The following CMPK2 variants were observed in gnomAD, a reference collection of about 807,000 sequenced individuals.
CMPK2 encodes the protein UMP-CMP kinase 2, mitochondrial.
In CMPK2, 32 loss-of-function variants were observed where a neutral mutation model predicts 33.4. The ratio of observed to expected loss-of-function variants is 0.96; its 90% CI spans 0.72 to 1.29. The LOEUF is 1.29. Among genes scored for constraint, CMPK2 ranks in the 50% most tolerant of loss-of-function variants. The pLI, the probability that CMPK2 is intolerant of heterozygous loss-of-function variation, is 0.00. For synonymous variants in CMPK2, 299 were observed against 275.3 expected (o/e 1.09, Z -0.85); for missense variants, 672 against 616.0 (o/e 1.09, Z -0.96).
chr2:6,865,868 TG>T lies in CMPK2; in HGVS notation c.-173del. On this transcript the variant is annotated 5_prime_UTR_variant, in exon 1 of 5. Transcript: ENST00000256722. ...CCAGGCGGGGCAGGAGCCCTGGGGC[TG>T]GGGCGCCCTTCCGGCCTCTCCTCCT... The T allele has an allele frequency of 1.5e-6, 2 of 1,362,762 alleles. No homozygotes were observed. Among genetic ancestry groups the T allele is most frequent in the Admixed American group, 7.0e-5 (2 of 28,518 alleles). 84.4% of individuals were successfully genotyped at this position (1,362,762 alleles called of 1,614,324 possible). A position where few individuals can be genotyped will look rare whatever the true frequency, so the allele number is the denominator to read the frequency against.
rs1401947028 is a variant in CMPK2, at chr2:6,861,309, G to A, written c.867C>T (p.Gly289=). ...VLLKSPPSCI[G]QWRKIFDDEP... is the part of the protein sequence containing the mutation. Reference sequence around the variant, plus strand: ...CATCATCAAAGATCTTCCTCCACTGGCCAATGCAAGAGGGTGGTGACTTTA... The same window carrying A: ...CATCATCAAAGATCTTCCTCCACTGACCAATGCAAGAGGGTGGTGACTTTA... The change falls in exon 3 of 5, where the codon GGC becomes GGT. Residue 289 remains glycine (G), a synonymous_variant. Coordinates refer to ENST00000256722, the MANE Select transcript of CMPK2 (RefSeq NM_207315.4). 8 of 1,613,834 alleles carry A rather than the reference G, an allele frequency of 5.0e-6. No homozygotes were observed. Among genetic ancestry groups the A allele is most frequent in the Non-Finnish European group, 5.9e-6 (7 of 1,179,926 alleles).
At position 6,865,366 on chromosome 2, in the gene CMPK2, G is replaced by A. The variant is rs1382564317; in HGVS notation, c.331C>T (p.Gln111Ter). The A allele has an allele frequency of 2.1e-6, 3 of 1,417,016 alleles. No homozygotes were observed. The South Asian group carries it at 4.5e-5, about 21-fold the overall frequency. 87.8% of individuals were successfully genotyped at this position (1,417,016 alleles called of 1,614,324 possible). A position where few individuals can be genotyped will look rare whatever the true frequency, so the allele number is the denominator to read the frequency against. ...QLRRGPFQRC[Q>*]LLRLLCYCPG... ...CAGTAGCAGAGCAGCCTGAGCAGCT[G>A]GCACCGCTGGAAGGGGCCGCGGCGC... The change falls in exon 1 of 5, where the codon CAG becomes TAG. Residue 111 changes from glutamine (Q) to a stop codon, truncating the protein, a stop_gained. Coordinates refer to ENST00000256722, the MANE Select transcript of CMPK2 (RefSeq NM_207315.4). LOFTEE classifies it high-confidence loss of function.
In CMPK2 at chr2:6,859,711, T is replaced by A. The variant is rs151315002; in HGVS notation, c.992+1473A>T. ...AATGCCTGGATGTCCAGGCAGAAGT[T>A]TGCTACAGGAGTGGGGCTCTCATGG... On this transcript the variant is annotated intron_variant, in intron 3 of 4. Transcript: ENST00000256722. Among the ~76,000 whole-genome samples the A allele has an allele frequency of 8.5e-5, 13 of 152,320 alleles. No individual in the cohort carries two copies. The East Asian group carries it at 2.5e-3, about 29-fold the overall frequency.
At chr2:6,860,573 A>G (rs1662841900) in intron 3 of CMPK2, among the ~76,000 whole-genome samples, 1 of 152,184 alleles carries the variant, frequency 6.6e-6, no homozygotes, top group African/African-American at 2.4e-5. Context: ...GCCATGTGAG[A>G]CATGCTTTGT....
rs1662935743 is a variant in CMPK2, at chr2:6,863,324, C to T, written c.790+140G>A. 3 of 656,840 alleles carry T rather than the reference C, an allele frequency of 4.6e-6. No individual in the cohort carries two copies. In the East Asian group the frequency reaches 8.0e-5, roughly 18 times the overall value. 40.7% of individuals were successfully genotyped at this position (656,840 alleles called of 1,614,324 possible). The stretch of plus-strand genomic sequence containing the variant: ...TCTTATTCATCTCTGCATCCCAGGG[C>T]CTGCCTAGCACAGGGCCTGCCACAC... On this transcript the variant is annotated intron_variant, in intron 2 of 4. Transcript: ENST00000256722.
chr2:6,853,618 A>G (rs981228934), intron 3 of CMPK2, among the ~76,000 whole-genome samples: 26 of 152,214 alleles, frequency 1.7e-4, no homozygotes, highest in African/African-American at 6.0e-4. Context: ...AACAGAACAC[A>G]GGACAGCACT....
downstream of CMPK2, among the ~76,000 whole-genome samples, chr2:6,847,384 G>A (rs1317172686): frequency 2.0e-5 from 3 of 152,206 alleles, no homozygotes. Context: ...ACTATACAAA[G>A]GACAAAGGTG....
At chr2:6,846,012 T>C (rs747429782), downstream of CMPK2, among the ~76,000 whole-genome samples, 43 of 152,168 alleles carry the variant, frequency 2.8e-4, no homozygotes, top group Non-Finnish European at 2.8e-4. Context: ...TGATCACTGA[T>C]AGAGGAACGT....
chr2:6,861,098 ACACACG>A (rs1368657036), intron 3 of CMPK2, 80 bp downstream of exon 3: 9 of 47,558 alleles, frequency 1.9e-4, no homozygotes, highest in Admixed American at 1.1e-3. Flanking sequence ...ACGTATACAC[ACACACG>A]CACACACACA....
At chr2:6,851,982 G>T (rs577086681) in intron 3 of CMPK2, among the ~76,000 whole-genome samples, 1 of 152,126 alleles carries the variant, frequency 6.6e-6, no homozygotes, top group African/African-American at 2.4e-5. Context: ...CCTGCTGTCC[G>T]CATTCCTCTA....
intron 4 of CMPK2, 124 bp from the exon 5 acceptor site, chr2:6,850,097 A>G: frequency 1.5e-6 from 1 of 677,852 alleles, no homozygotes; most frequent in South Asian, 2.1e-5. Flanking sequence ...ATCTCACTGT[A>G]ACTAGCTTTG....
At chr2:6,842,600 T>G (rs569895076) in intron 3 of CMPK2, among the ~76,000 whole-genome samples, 38 of 152,332 alleles carry the variant, frequency 2.5e-4, no homozygotes, top group Non-Finnish European at 4.9e-4. Flanking sequence ...GATGTGCAGA[T>G]TAAATGCCCT....
chr2:6,865,882 G>A lies in CMPK2; in HGVS notation c.-186C>T, dbSNP rs1365119391. 3 of 1,400,244 alleles carry A rather than the reference G, an allele frequency of 2.1e-6. No individual in the cohort carries two copies. Among genetic ancestry groups the A allele is most frequent in the Non-Finnish European group, 2.8e-6 (3 of 1,079,194 alleles). The allele number at this position is 1,400,244 out of a possible 1,614,324, so 86.7% of individuals were successfully genotyped here. On this transcript the variant is annotated 5_prime_UTR_variant, in exon 1 of 5. Transcript: ENST00000256722. ...AGCCCTGGGGCTGGGGCGCCCTTCC[G>A]GCCTCTCCTCCTCGCCGCGAGATGT...
downstream of CMPK2, among the ~76,000 whole-genome samples, chr2:6,847,556 TC>T (rs1353864131): frequency 6.6e-6 from 1 of 152,142 alleles, no homozygotes; most frequent in African/African-American, 2.4e-5. Flanking sequence ...CTTGATTTTT[TC>T]CCCAGGCTGC....
At chr2:6,841,226 T>C (rs372745273) in intron 3 of CMPK2, among the ~76,000 whole-genome samples, 3 of 152,214 alleles carry the variant, frequency 2.0e-5, no homozygotes, top group South Asian at 2.1e-4. Flanking sequence ...GGACTTTCTG[T>C]TTGACATAGA....
chr2:6,865,142 C>A lies in CMPK2; in HGVS notation c.555G>T (p.Leu185=). Residue 185 remains leucine (L), a synonymous_variant, in exon 1 of 5, where the codon CTG becomes CTT. Transcript: ENST00000256722. ...GCACGACCTGTGCGCAGCCCACCTGCAGCCGCCTGCCGTCTTGCACCTCCC... is the reference window on the plus strand; with the variant it reads ...GCACGACCTGTGCGCAGCCCACCTGAAGCCGCCTGCCGTCTTGCACCTCCC... ...RLWEVQDGRR[L]QVGCAQVVPV... 6.5e-7 allele frequency: 1 copy of A among 1,527,756 alleles called. No homozygotes were observed. Among genetic ancestry groups the A allele is most frequent in the Non-Finnish European group, 8.8e-7 (1 of 1,138,722 alleles). 94.6% of individuals were successfully genotyped at this position (1,527,756 alleles called of 1,614,324 possible). A position where few individuals can be genotyped will look rare whatever the true frequency, so the allele number is the denominator to read the frequency against.
downstream of CMPK2, among the ~76,000 whole-genome samples, chr2:6,847,678 C>A (rs1366757698): frequency 6.6e-6 from 1 of 152,212 alleles, no homozygotes; most frequent in Non-Finnish European, 1.5e-5. Flanking sequence ...TCATCCTCAT[C>A]TCTTGGTCCT....
Position 6,861,391 on chromosome 2 carries a change from G to T in CMPK2, c.791-6C>A. On this transcript the variant is annotated splice_polypyrimidine_tract_variant and splice_region_variant and intron_variant, in intron 2 of 4. Coordinates refer to ENST00000256722, the MANE Select transcript of CMPK2 (RefSeq NM_207315.4). ...CTGGGTCACCGTGGTTTTACCTGCA[G>T]GTCATACACAAAATATATACATCTT... 6.2e-7 allele frequency: 1 copy of T among 1,611,874 alleles called. No individual in the cohort carries two copies. The highest frequency in any genetic ancestry group is 8.5e-7 in the Non-Finnish European group (1 of 1,178,250).
intron 3 of CMPK2, among the ~76,000 whole-genome samples, chr2:6,840,899 A>C (rs1662213494): frequency 6.6e-6 from 1 of 152,150 alleles, no homozygotes; most frequent in African/African-American, 2.4e-5. Flanking sequence ...CAAAAGGGTG[A>C]AGGAACACCC....
Sources: gnomAD v4.1 joint callset for allele counts (sites outside exome capture counted in the v4.1 genomes callset) on GRCh38, gnomAD v4.1.1 for gene constraint, MANE v1.5 for transcripts, NCBI Gene and HGNC (gene_info 2026-07-23, HGNC 2026-07-21) for gene names.